Variants in C4orf51 observed in about 807,000 individuals in gnomAD.
The protein encoded by C4orf51 is uncharacterized protein C4orf51.
C4orf51 carries 25 observed loss-of-function variants against 25.2 expected under a neutral mutation model. The observed-to-expected ratio is 0.99, with a 90% CI of 0.72 to 1.39. C4orf51 has a LOEUF of 1.39. Ranked by LOEUF, C4orf51 falls within the 40% of genes most tolerant of loss-of-function variation. The pLI is 0.00. For missense variants in C4orf51, 252 were observed against 239.6 expected (o/e 1.05, Z -0.34); for synonymous variants, 100 against 84.5 (o/e 1.18, Z -1.01).
the C4orf51 span, among the ~76,000 whole-genome samples, chr4:145,791,009 A>C: frequency 6.6e-6 from 1 of 152,132 alleles, no homozygotes; most frequent in African/African-American, 2.4e-5. Context: ...ATATGATGGG[A>C]GTTTCTGTTT....
chr4:145,685,617 T>C (rs747989808), intron 1 of C4orf51, among the ~76,000 whole-genome samples: 26 of 152,224 alleles, frequency 1.7e-4, no homozygotes, highest in Non-Finnish European at 3.5e-4. Context: ...CACAGTGCTT[T>C]TCTATACAAT....
At chr4:145,728,047 T>TACACAC (rs66860071) in intron 3 of C4orf51, among the ~76,000 whole-genome samples, 3 of 133,350 alleles carry the variant, frequency 2.2e-5, no homozygotes, top group African/African-American at 5.7e-5. Context: ...AATATATATA[T>TACACAC]ACACACACAC....
chr4:145,725,327 A>T (rs1731996022), intron 2 of C4orf51, among the ~76,000 whole-genome samples: 2 of 152,254 alleles, frequency 1.3e-5, no homozygotes, highest in African/African-American at 4.8e-5. Context: ...ACCTTCATTC[A>T]TTGCTGGTGG....
rs767784968 is a variant in C4orf51, at chr4:145,765,506, G to GT, written n.167-5481dup. On this transcript the variant is annotated intron_variant and non_coding_transcript_variant, in intron 1 of 1. Coordinates refer to the C4orf51 transcript ENST00000510096. This position sits in a 1 kb window ranked among gnomAD's most constrained non-coding sequence, Gnocchi z 4.7. Reference sequence around the variant, plus strand: ...TATTCTCAAGAATGGGTCATCCTGGGTGCGGAGGGTTGAGCAGGCTCACAC... The same window carrying GT: ...TATTCTCAAGAATGGGTCATCCTGGGTTGCGGAGGGTTGAGCAGGCTCACAC... 7.6e-6 allele frequency: 12 copies of GT among 1,570,310 alleles called. 1 individual carries two copies. Among genetic ancestry groups the GT allele is most frequent in the East Asian group, 4.5e-5 (2 of 44,548 alleles).
downstream of C4orf51, chr4:145,759,033 C>G (rs1734176989): frequency 6.6e-6 from 1 of 152,122 alleles, no homozygotes; most frequent in Non-Finnish European, 1.5e-5. Context: ...TTTATTTTCC[C>G]CTGGTGAAAC....
Position 145,765,696 on chromosome 4 carries a change from G to A in C4orf51, n.167-5292G>A. On this transcript the variant is annotated intron_variant and non_coding_transcript_variant, in intron 1 of 1. Coordinates refer to the C4orf51 transcript ENST00000510096. This position sits in a 1 kb window ranked among gnomAD's most constrained non-coding sequence, Gnocchi z 4.7. ...ATCACTCAGAGCTGAGAGGGAGGAT[G>A]AAGAGGGGCTATTTGATTCGCTGGG... 2 of 1,614,170 alleles carry A rather than the reference G, an allele frequency of 1.2e-6. No homozygotes were observed. The highest frequency in any genetic ancestry group is 1.7e-6 in the Non-Finnish European group (2 of 1,180,016).
At chr4:145,747,456 A>T (rs1033109928) in intron 1 of C4orf51, among the ~76,000 whole-genome samples, 3 of 151,780 alleles carry the variant, frequency 2.0e-5, no homozygotes, top group Non-Finnish European at 4.4e-5. Flanking sequence ...AATCAAAATG[A>T]TCATATGGTT....
intron 1 of C4orf51, among the ~76,000 whole-genome samples, chr4:145,681,895 T>C (rs1728862670): frequency 6.6e-6 from 1 of 152,188 alleles, no homozygotes. Flanking sequence ...GGGATTAAAT[T>C]TCTAACACAT....
the C4orf51 span, among the ~76,000 whole-genome samples, chr4:145,781,144 C>T: frequency 6.9e-5 from 9 of 131,332 alleles, no homozygotes; most frequent in East Asian, 2.2e-4. Flanking sequence ...TGCAGTGAGC[C>T]GAGATTGTGC....
intron 1 of C4orf51, chr4:145,759,834 A>G (rs1287286167): frequency 2.0e-5 from 3 of 152,036 alleles, no homozygotes; most frequent in African/African-American, 4.8e-5. Context: ...TCAACCATAA[A>G]TTTTTTCACC....
chr4:145,789,711 G>A, the C4orf51 span, among the ~76,000 whole-genome samples: 1 of 152,122 alleles, frequency 6.6e-6, no homozygotes, highest in African/African-American at 2.4e-5. Flanking sequence ...GACCAAAAAG[G>A]AAAATCTAAT....
chr4:145,697,100 A>G (rs1730116399), intron 2 of C4orf51, among the ~76,000 whole-genome samples: 2 of 139,348 alleles, frequency 1.4e-5, no homozygotes. Context: ...TCTCTTAGCA[A>G]TTTTTTTTTT....
intron 4 of C4orf51, 141 bp from the exon 5 acceptor site, chr4:145,729,751 C>A (rs1437117734): frequency 3.1e-6 from 2 of 649,336 alleles, no homozygotes; most frequent in Non-Finnish European, 5.5e-6. Context: ...GTCACTCATG[C>A]TGGTGGCAGA....
At chr4:145,756,788 G>A (rs1029797973), downstream of C4orf51, among the ~76,000 whole-genome samples, 20 of 152,136 alleles carry the variant, frequency 1.3e-4, no homozygotes, top group African/African-American at 4.8e-4. Flanking sequence ...GCTATTGGAT[G>A]AAAAAATAAA....
chr4:145,778,163 C>T, the C4orf51 span, among the ~76,000 whole-genome samples: 11 of 152,026 alleles, frequency 7.2e-5, no homozygotes, highest in South Asian at 2.1e-4. Flanking sequence ...GACTGAGTTT[C>T]GCTCTTGTCA....
intron 2 of C4orf51, among the ~76,000 whole-genome samples, chr4:145,715,530 GTTC>G (rs1395148602): frequency 2.0e-5 from 3 of 152,102 alleles, no homozygotes; most frequent in Non-Finnish European, 4.4e-5. Context: ...AAGGGAAACT[GTTC>G]TTCTTACCCT....
At chr4:145,702,371 T>C (rs1363876614) in intron 2 of C4orf51, among the ~76,000 whole-genome samples, 2 of 151,998 alleles carry the variant, frequency 1.3e-5, no homozygotes, top group African/African-American at 4.8e-5. Flanking sequence ...CTTTGCACCC[T>C]TCATCCCAGC....
At chr4:145,687,619 G>A (rs534037845) in intron 1 of C4orf51, among the ~76,000 whole-genome samples, 1 of 152,342 alleles carries the variant, frequency 6.6e-6, no homozygotes, top group East Asian at 1.9e-4. Flanking sequence ...TGTGATAACT[G>A]TAACTGAGCC....
chr4:145,778,315 G>A, the C4orf51 span, among the ~76,000 whole-genome samples: 2 of 152,154 alleles, frequency 1.3e-5, no homozygotes, highest in African/African-American at 4.8e-5. Context: ...TGTATTTTTA[G>A]TAGAGATGGG....
Sources: allele counts gnomAD v4.1 joint callset (sites outside exome capture counted in the v4.1 genomes callset), GRCh38; gene constraint gnomAD v4.1.1; non-coding constraint Gnocchi (gnomAD v3.1); transcripts MANE v1.5; gene names NCBI Gene and HGNC (gene_info 2026-07-23, HGNC 2026-07-21).